The following B4GALNT3 variants were observed in gnomAD, a reference collection of about 807,000 sequenced individuals.
B4GALNT3 encodes beta-1,4-N-acetylgalactosaminyltransferase 3.
A neutral mutation model predicts 120.2 loss-of-function variants in B4GALNT3; 86 were observed. The observed-to-expected ratio is 0.72, with a 90% CI of 0.60 to 0.86. The LOEUF is 0.86. Ranked by LOEUF, B4GALNT3 falls within the 40% of genes least tolerant of loss-of-function variation. The pLI, the probability that B4GALNT3 is intolerant of heterozygous loss-of-function variation, is 0.00. For missense variants in B4GALNT3, 1,167 were observed against 1,298.9 expected (o/e 0.90, Z 1.56); for synonymous variants, 518 against 510.4 (o/e 1.01, Z -0.20).
intron 1 of B4GALNT3, among the ~76,000 whole-genome samples, chr12:497,199 G>C (rs918416821): frequency 7.9e-5 from 12 of 151,872 alleles, no homozygotes; most frequent in Non-Finnish European, 1.6e-4. Flanking sequence ...TGTTGCCCAG[G>C]CTGGAGTGCA....
At chr12:499,347 C>T (rs1946418067) in intron 1 of B4GALNT3, among the ~76,000 whole-genome samples, 1 of 152,214 alleles carries the variant, frequency 6.6e-6, no homozygotes, top group South Asian at 2.1e-4. Flanking sequence ...CCCGTGCTCT[C>T]ACTATCTAGA....
At chr12:504,291 A>G (rs1946472956) in intron 1 of B4GALNT3, among the ~76,000 whole-genome samples, 1 of 144,778 alleles carries the variant, frequency 6.9e-6, no homozygotes, top group Admixed American at 7.1e-5. Flanking sequence ...AAAAAAAAAC[A>G]AAAACAAAAA....
chr12:525,258 A>G (rs1242622446), intron 1 of B4GALNT3, among the ~76,000 whole-genome samples: 2 of 152,052 alleles, frequency 1.3e-5, no homozygotes, highest in Non-Finnish European at 2.9e-5. Flanking sequence ...ACAGGTAAGC[A>G]CCACCACACC....
Position 550,937 on chromosome 12 carries a change from A to G in B4GALNT3, c.1013A>G (p.Lys338Arg). Reference sequence around the variant, plus strand: ...CTGTCCTCAGTGCCTCTGATCCCCAAGTCGCATCTCCGCCACGTCCTGCCT... The same window carrying G: ...CTGTCCTCAGTGCCTCTGATCCCCAGGTCGCATCTCCGCCACGTCCTGCCT... ...DTLYRVPLIP[K>R]SHLRHVLPDC... The change falls in exon 11 of 20, where the codon AAG (lysine) becomes AGG (arginine). Residue 338 changes from lysine to arginine, a missense_variant. Physicochemically the swap from Lys to Arg is conservative, Grantham distance 26 (BLOSUM62 2). Coordinates refer to ENST00000266383, the MANE Select transcript of B4GALNT3 (RefSeq NM_173593.4). This position sits in a 1 kb window ranked among gnomAD's most constrained non-coding sequence, Gnocchi z 4.1. The G allele has an allele frequency of 6.2e-7, 1 of 1,613,636 alleles. No homozygotes were observed. The highest frequency in any genetic ancestry group is 8.5e-7 in the Non-Finnish European group (1 of 1,179,538).
intron 11 of B4GALNT3, among the ~76,000 whole-genome samples, chr12:551,428 AAG>A (rs1422062380): frequency 6.6e-6 from 1 of 152,218 alleles, no homozygotes; most frequent in Non-Finnish European, 1.5e-5. Flanking sequence ...CTGGGGGAAA[AAG>A]AGCTATGGAG....
chr12:546,832 C>G (rs1400980220), intron 7 of B4GALNT3, 119 bp downstream of exon 7: 43 of 997,804 alleles, frequency 4.3e-5, no homozygotes, highest in Non-Finnish European at 6.3e-5. Flanking sequence ...GGCACCCACA[C>G]GCTCCCGGCA....
intron 1 of B4GALNT3, among the ~76,000 whole-genome samples, chr12:479,302 G>A (rs932014160): frequency 2.6e-5 from 4 of 152,084 alleles, no homozygotes; most frequent in East Asian, 1.9e-4. Flanking sequence ...GACCTCAGCC[G>A]CCAGAGTAGC....
At chr12:523,789 G>A (rs149819893) in intron 1 of B4GALNT3, among the ~76,000 whole-genome samples, 1 of 152,338 alleles carries the variant, frequency 6.6e-6, no homozygotes, top group African/African-American at 2.4e-5. Flanking sequence ...TAGGCCGGGC[G>A]CAGTGGCTCA....
intron 1 of B4GALNT3, 90 bp from the exon 2 acceptor site, chr12:535,075 AC>A: frequency 9.6e-7 from 1 of 1,039,148 alleles, no homozygotes; most frequent in Non-Finnish European, 1.4e-6. Flanking sequence ...AGAAGGGAAG[AC>A]GGTTCCCTCC....
At position 460,418 on chromosome 12, in the gene B4GALNT3, C is replaced by T. The variant is rs1278342901; in HGVS notation, c.42C>T (p.Arg14=). 1.3e-6 allele frequency: 2 copies of T among 1,535,748 alleles called. No homozygotes were observed. Among genetic ancestry groups the T allele is most frequent in the East Asian group, 2.5e-5 (1 of 39,330 alleles). ...PRAARPPLLL[R]PVKLLRRRFR... ...CCGCGCGGCCCCCGCTGCTCCTGCGCCCGGTGAAGCTGCTGCGGAGGCGCT... is the reference window on the plus strand; with the variant it reads ...CCGCGCGGCCCCCGCTGCTCCTGCGTCCGGTGAAGCTGCTGCGGAGGCGCT... The change falls in exon 1 of 20, where the codon CGC becomes CGT. Residue 14 remains arginine, a synonymous_variant. Coordinates refer to ENST00000266383, the MANE Select transcript of B4GALNT3 (RefSeq NM_173593.4). This position sits in a 1 kb window ranked among gnomAD's most constrained non-coding sequence, Gnocchi z 8.0.
chr12:538,776 C>T (rs147358313), intron 3 of B4GALNT3, among the ~76,000 whole-genome samples: 11 of 152,298 alleles, frequency 7.2e-5, no homozygotes, highest in Non-Finnish European at 1.3e-4. Context: ...CCAAACCACA[C>T]GCAGTCACAC....
Position 507,275 on chromosome 12 carries a change from A to G in B4GALNT3, c.170-27891A>G, listed in dbSNP as rs376384742. On this transcript the variant is annotated intron_variant, in intron 1 of 19. Transcript: ENST00000266383. ...GATATATATGGCAACCTTTTTTCACATAACTATATGTTTTGAACACCTTTC... is the reference window on the plus strand; with the variant it reads ...GATATATATGGCAACCTTTTTTCACGTAACTATATGTTTTGAACACCTTTC... Among the ~76,000 whole-genome samples, 36 of 152,270 alleles carry G rather than the reference A, an allele frequency of 2.4e-4. 1 individual carries two copies. Among genetic ancestry groups the G allele is most frequent in the Middle Eastern group, 3.4e-3 (1 of 294 alleles).
At chr12:510,254 G>A (rs1473384243) in intron 1 of B4GALNT3, among the ~76,000 whole-genome samples, 1 of 152,152 alleles carries the variant, frequency 6.6e-6, no homozygotes, top group Non-Finnish European at 1.5e-5. Context: ...AGCAAGGGGC[G>A]GGCAAGAGGG....
chr12:523,078 C>T (rs1029671685), intron 1 of B4GALNT3, among the ~76,000 whole-genome samples: 1 of 151,938 alleles, frequency 6.6e-6, no homozygotes, highest in Non-Finnish European at 1.5e-5. Context: ...TCCTTCGAGG[C>T]ACCTTTGGAC....
rs1189308594 is a variant in B4GALNT3, at chr12:511,472, T to TCCAC, written c.170-23693_170-23692insCACC. 8.5e-4 allele frequency among the ~76,000 whole-genome samples: 23 copies of TCCAC among 27,022 alleles called. 1 individual carries two copies. Among genetic ancestry groups the TCCAC allele is most frequent in the Non-Finnish European group, 8.8e-4 (15 of 17,054 alleles). 17.7% of individuals were successfully genotyped at this position (27,022 alleles called of 152,430 possible). ...TTCCACCTTCTTCCACCTTCCACCT[T>TCCAC]CTTCCACCTTCTTCCACCTTCCACC... On this transcript the variant is annotated intron_variant, in intron 1 of 19. Coordinates refer to ENST00000266383, the MANE Select transcript of B4GALNT3 (RefSeq NM_173593.4).
intron 1 of B4GALNT3, among the ~76,000 whole-genome samples, chr12:490,172 C>T (rs563317609): frequency 1.8e-4 from 27 of 152,070 alleles, no homozygotes; most frequent in African/African-American, 6.3e-4. Flanking sequence ...ACATCAATGA[C>T]CTAAGCTTCT....
intron 1 of B4GALNT3, among the ~76,000 whole-genome samples, chr12:469,366 A>C (rs1460187442): frequency 2.0e-5 from 3 of 152,158 alleles, no homozygotes; most frequent in Non-Finnish European, 4.4e-5. Flanking sequence ...ATTGGTTCCC[A>C]TCTCCTCCCT....
Position 460,847 on chromosome 12 carries a change from C to T in B4GALNT3, c.169+302C>T, listed in dbSNP as rs1376022271. Among the ~76,000 whole-genome samples the T allele has an allele frequency of 6.6e-6, 1 of 152,030 alleles. No homozygotes were observed. The highest frequency in any genetic ancestry group is 2.4e-5 in the African/African-American group (1 of 41,422). The stretch of plus-strand genomic sequence containing the variant: ...GAGAGAGGCTCCCCGCCCGTCCCGC[C>T]GAGACGCTGGCGGAGACCGGGCCCC... On this transcript the variant is annotated intron_variant, in intron 1 of 19. Coordinates refer to ENST00000266383, the MANE Select transcript of B4GALNT3 (RefSeq NM_173593.4). This position sits in a 1 kb window ranked among gnomAD's most constrained non-coding sequence, Gnocchi z 8.0.
At position 545,374 on chromosome 12, in the gene B4GALNT3, A is replaced by G. The variant is rs565287788; in HGVS notation, c.544A>G (p.Ile182Val). The change falls in exon 6 of 20, where the codon ATC becomes GTC. Residue 182 changes from isoleucine to valine, a missense_variant. Transcript: ENST00000266383. Reference sequence around the variant, plus strand: ...AAACTCTCCCCGCTGCCCAGGGAAAATCCAGTTTGCCATTGCTGCAGATGA... The same window carrying G: ...AAACTCTCCCCGCTGCCCAGGGAAAGTCCAGTTTGCCATTGCTGCAGATGA... Reference protein sequence around the residue: ...GYLHPFTDGKIQFAIAADDNA... With the variant: ...GYLHPFTDGKVQFAIAADDNA... 1 of 1,610,630 alleles carries G rather than the reference A, an allele frequency of 6.2e-7. No individual in the cohort carries two copies. The highest frequency in any genetic ancestry group is 2.2e-5 in the East Asian group (1 of 44,810).
Sources: gnomAD v4.1 joint callset for allele counts (sites outside exome capture counted in the v4.1 genomes callset) on GRCh38, gnomAD v4.1.1 for gene constraint, Gnocchi (gnomAD v3.1) non-coding constraint, MANE v1.5 for transcripts, NCBI Gene and HGNC (gene_info 2026-07-23, HGNC 2026-07-21) for gene names.